The following CSMD3 variants were observed in gnomAD, a reference collection of about 807,000 sequenced individuals.
CSMD3 encodes CUB and Sushi multiple domains 3, also known as CUB and sushi domain-containing protein 3.
Under a neutral mutation model 435.2 loss-of-function variants are expected in CSMD3, and 177 were observed. That is an observed-to-expected ratio of 0.41 (90% CI 0.36 to 0.46). The LOEUF (loss-of-function observed/expected upper bound fraction) is 0.46, where lower values mean the gene tolerates loss of function less well. Among genes scored for constraint, CSMD3 ranks in the 20% least tolerant of loss-of-function variants. CSMD3 has a pLI of 0.34. For missense variants in CSMD3, 4,265 were observed against 4,504.6 expected, an observed-to-expected ratio of 0.95 and a Z score of 1.52; for synonymous variants, 1,656 against 1,520.5, an observed-to-expected ratio of 1.09 and a Z score of -2.07.
intron 3 of CSMD3, among the ~76,000 whole-genome samples, chr8:113,210,924 C>G (rs761139204): frequency 4.0e-5 from 6 of 151,832 alleles, no homozygotes; most frequent in Non-Finnish European, 8.8e-5. Context: ...TTGACCAAGA[C>G]TACACATGCA....
At chr8:113,283,469 C>T (rs969800036) in intron 2 of CSMD3, among the ~76,000 whole-genome samples, 6 of 151,854 alleles carry the variant, frequency 4.0e-5, no homozygotes, top group Non-Finnish European at 5.9e-5. Flanking sequence ...TGGCAACAAA[C>T]GTGAAAAAAT....
rs115076035 is a variant in CSMD3, at chr8:112,686,262, T to C, written c.2156-530A>G. ...AACTAACTTCTTTAACAGCCATTAG[T>C]GGCTAAAACCTGAAGAACAGCTAAA... On this transcript the variant is annotated intron_variant, in intron 14 of 70. Transcript: ENST00000297405. 6.9e-3 allele frequency among the ~76,000 whole-genome samples: 1,054 copies of C among 152,264 alleles called. 16 individuals are homozygous for C. Among genetic ancestry groups the C allele is most frequent in the African/African-American group, 0.024 (989 of 41,546 alleles).
intron 31 of CSMD3, among the ~76,000 whole-genome samples, chr8:112,484,459 G>A (rs1473177621): frequency 6.6e-6 from 1 of 151,446 alleles, no homozygotes; most frequent in Admixed American, 6.6e-5. Flanking sequence ...TTCTTCACTT[G>A]TAAGAAGATA....
chr8:113,333,050 A>G, intron 1 of CSMD3, among the ~76,000 whole-genome samples: 1 of 151,656 alleles, frequency 6.6e-6, no homozygotes, highest in East Asian at 1.9e-4. Flanking sequence ...TTCTTTTTAA[A>G]AATCTTATTT....
chr8:113,001,270 T>C (rs1218649186), intron 6 of CSMD3, among the ~76,000 whole-genome samples: 2 of 152,102 alleles, frequency 1.3e-5, no homozygotes, highest in African/African-American at 2.4e-5. Context: ...AAAATTCTTC[T>C]GTGTCTTCCT....
intron 1 of CSMD3, among the ~76,000 whole-genome samples, chr8:113,367,010 A>G (rs2094316299): frequency 6.6e-6 from 1 of 151,992 alleles, no homozygotes; most frequent in South Asian, 2.1e-4. Context: ...AAATATGTTG[A>G]AATGAGTACT....
At chr8:112,588,274 G>A (rs566398381) in intron 22 of CSMD3, among the ~76,000 whole-genome samples, 129 of 151,670 alleles carry the variant, frequency 8.5e-4, no homozygotes, top group African/African-American at 3.0e-3. Context: ...ATAATGAATT[G>A]CTTTACCTTT....
At position 112,277,459 on chromosome 8, in the gene CSMD3, G is replaced by T. The variant is rs191848142; in HGVS notation, c.9508+3715C>A. 9.0e-3 allele frequency among the ~76,000 whole-genome samples: 1,370 copies of T among 152,178 alleles called. 69 individuals carry two copies. The highest frequency in any genetic ancestry group is 0.081 in the Admixed American group (1,242 of 15,284). ...TTGTCCATATCATTATCAGCATTTTGCTCAAAGCCATTCAACAAGTCTCTA... is the reference window on the plus strand; with the variant it reads ...TTGTCCATATCATTATCAGCATTTTTCTCAAAGCCATTCAACAAGTCTCTA... On this transcript the variant is annotated intron_variant, in intron 59 of 70. Coordinates refer to ENST00000297405, the MANE Select transcript of CSMD3 (RefSeq NM_198123.2).
chr8:112,231,336 C>G (rs960509600), intron 69 of CSMD3, among the ~76,000 whole-genome samples: 2 of 152,142 alleles, frequency 1.3e-5, no homozygotes, highest in Admixed American at 6.5e-5. Context: ...CCATGAAAAT[C>G]TAAACACTGT....
At chr8:112,682,123 A>T (rs925141963) in intron 16 of CSMD3, among the ~76,000 whole-genome samples, 2 of 152,108 alleles carry the variant, frequency 1.3e-5, no homozygotes, top group Non-Finnish European at 2.9e-5. Context: ...ATGAATGGAA[A>T]CTATAAAGTG....
chr8:113,052,186 A>G (rs990550653), intron 5 of CSMD3, among the ~76,000 whole-genome samples: 1 of 152,192 alleles, frequency 6.6e-6, no homozygotes, highest in African/African-American at 2.4e-5. Context: ...TCATCAATAA[A>G]TGGGAATTAG....
chr8:113,062,249 A>G (rs936045654), intron 5 of CSMD3, among the ~76,000 whole-genome samples: 9 of 152,012 alleles, frequency 5.9e-5, no homozygotes, highest in African/African-American at 1.7e-4. Context: ...ACATATATAC[A>G]CACTAAAAGT....
intron 2 of CSMD3, among the ~76,000 whole-genome samples, chr8:113,286,980 T>G (rs1399863308): frequency 1.3e-5 from 2 of 151,052 alleles, no homozygotes; most frequent in Non-Finnish European, 3.0e-5. Context: ...GAGAGAGAGA[T>G]TTATTTAAAA....
chr8:113,186,111 T>C (rs1465693893), intron 3 of CSMD3, among the ~76,000 whole-genome samples: 1 of 152,038 alleles, frequency 6.6e-6, no homozygotes, highest in African/African-American at 2.4e-5. Context: ...CTCCGGGATA[T>C]TTGCTTGTCA....
intron 5 of CSMD3, among the ~76,000 whole-genome samples, chr8:113,068,396 T>C (rs188197034): frequency 6.6e-6 from 1 of 152,304 alleles, no homozygotes; most frequent in Admixed American, 6.5e-5. Context: ...AAGAGAAATG[T>C]TGCTGTGATT....
At chr8:112,415,818 A>G (rs918762113) in intron 32 of CSMD3, among the ~76,000 whole-genome samples, 17 of 152,172 alleles carry the variant, frequency 1.1e-4, no homozygotes, top group Admixed American at 9.8e-4. Flanking sequence ...TGACTGCTCT[A>G]TTGGATTTTG....
intron 1 of CSMD3, among the ~76,000 whole-genome samples, chr8:113,433,191 G>A (rs2094685504): frequency 6.6e-6 from 1 of 152,146 alleles, no homozygotes; most frequent in East Asian, 1.9e-4. Context: ...TTGTCTAGGT[G>A]GGTTTTTGTT....
At chr8:112,369,754 C>T (rs1828140797) in intron 38 of CSMD3, among the ~76,000 whole-genome samples, 1 of 151,974 alleles carries the variant, frequency 6.6e-6, no homozygotes, top group South Asian at 2.1e-4. Flanking sequence ...GGACAAATAC[C>T]TAATGCATGC....
chr8:112,469,910 G>A (rs1161367731), intron 32 of CSMD3, among the ~76,000 whole-genome samples: 1 of 152,156 alleles, frequency 6.6e-6, no homozygotes. Context: ...TGTGAGAAGT[G>A]ATATGTGATG....
Sources: gnomAD v4.1 joint callset for allele counts (sites outside exome capture counted in the v4.1 genomes callset) on GRCh38, gnomAD v4.1.1 for gene constraint, MANE v1.5 for transcripts, NCBI Gene and HGNC (gene_info 2026-07-23, HGNC 2026-07-21) for gene names.